SMARCA4: variants seen among roughly 807,000 people sequenced by gnomAD.
The protein encoded by SMARCA4 is SWI/SNF-related matrix-associated actin-dependent regulator of chromatin subfamily A member 4.
SMARCA4 carries 31 observed loss-of-function variants against 193.9 expected under a neutral mutation model. The ratio of observed to expected loss-of-function variants is 0.16; its 90% CI spans 0.12 to 0.22. The LOEUF is 0.22. Ranked by LOEUF, SMARCA4 falls within the 10% of genes least tolerant of loss-of-function variation. The pLI is 1.00. For missense variants in SMARCA4, 1,148 were observed against 2,296.0 expected (o/e 0.50, Z 10.22); for synonymous variants, 942 against 933.1 (o/e 1.01, Z -0.17).
At chr19:11,050,870 G>A (rs1174225959) in intron 30 of SMARCA4, among the ~76,000 whole-genome samples, 1 of 152,236 alleles carries the variant, frequency 6.6e-6, no homozygotes, top group African/African-American at 2.4e-5. Context: ...CCTCAGGGCT[G>A]TCTGGCCCTT....
At chr19:11,061,724 T>C (rs1009156039) in intron 34 of SMARCA4, 60 bp from the exon 35 acceptor site, 19 of 1,547,100 alleles carry the variant, frequency 1.2e-5, no homozygotes, top group Non-Finnish European at 1.7e-5. Context: ...GGCAGGTCCC[T>C]GGCAAGGTGC....
chr19:10,991,814 C>T (rs932594094), intron 8 of SMARCA4, among the ~76,000 whole-genome samples: 9 of 151,880 alleles, frequency 5.9e-5, no homozygotes, highest in Non-Finnish European at 1.0e-4. Context: ...AGGAAGGGAG[C>T]GCAGGGAGGT....
intron 18 of SMARCA4, 103 bp from the exon 19 acceptor site, chr19:11,021,622 C>T (rs2146409168): frequency 1.4e-6 from 2 of 1,439,746 alleles, no homozygotes; most frequent in Non-Finnish European, 9.5e-7. Context: ...TGCGCTCTTC[C>T]ACCTGGAGCC....
chr19:10,987,091 A>G lies in SMARCA4; in HGVS notation c.859+88A>G. ...TTGAGATGAGCTTTGTCAGGGAGAA[A>G]GGGCCGAGGGTGGTCAGGCTGAACT... On this transcript the variant is annotated intron_variant, in intron 5 of 34. Transcript: ENST00000344626. The surrounding 1 kb of genome is among the most constrained non-coding windows in gnomAD (Gnocchi z 5.3). 1 of 966,790 alleles carries G rather than the reference A, an allele frequency of 1.0e-6. No individual in the cohort carries two copies. The highest frequency in any genetic ancestry group is 1.6e-6 in the Non-Finnish European group (1 of 619,376). The allele number at this position is 966,790 out of a possible 1,614,324, so 59.9% of individuals were successfully genotyped here. A position where few individuals can be genotyped will look rare whatever the true frequency, so the allele number is the denominator to read the frequency against.
At position 11,060,113 on chromosome 19, in the gene SMARCA4, C is replaced by T. The variant is rs1370639203; in HGVS notation, c.4837C>T (p.Arg1613Trp). 9 of 1,551,010 alleles carry T rather than the reference C, an allele frequency of 5.8e-6. No homozygotes were observed. Among genetic ancestry groups the T allele is most frequent in the East Asian group, 2.4e-5 (1 of 40,912 alleles). The change falls in exon 34 of 35, where the codon CGG (arginine) becomes TGG (tryptophan). Residue 1613 changes from arginine (R) to tryptophan (W), a missense_variant. Coordinates refer to ENST00000344626, the MANE Select transcript of SMARCA4 (RefSeq NM_003072.5). The part of the protein sequence containing the change: ...EKAQDRLKGG[R>W]RRPSRGSRAK... ...GGCACAGGACCGGCTGAAGGGCGGC[C>T]GGCGGCGGCCGAGCCGAGGGTCCCG...
intron 19 of SMARCA4, 64 bp from the exon 20 acceptor site, chr19:11,023,454 A>C: frequency 9.6e-7 from 1 of 1,041,472 alleles, no homozygotes; most frequent in Non-Finnish European, 1.5e-6. Flanking sequence ...CGCACCTTCT[A>C]GTGAGACCTC....
At chr19:11,001,166 G>A (rs948108000) in intron 11 of SMARCA4, among the ~76,000 whole-genome samples, 1 of 152,072 alleles carries the variant, frequency 6.6e-6, no homozygotes, top group East Asian at 1.9e-4. Context: ...GTGATCCTCC[G>A]AGGACCTTTT....
intron 30 of SMARCA4, among the ~76,000 whole-genome samples, chr19:11,050,294 C>T (rs955112931): frequency 3.3e-5 from 5 of 152,256 alleles, no homozygotes; most frequent in African/African-American, 1.2e-4. Context: ...CAGGCGGGCC[C>T]TCTGGGTTCC....
Position 11,058,896 on chromosome 19 carries a change from G to T in SMARCA4, c.4635+7G>T, listed in dbSNP as rs1060504467. 1 of 1,610,902 alleles carries T rather than the reference G, an allele frequency of 6.2e-7. No homozygotes were observed. Among genetic ancestry groups the T allele is most frequent in the South Asian group, 1.1e-5 (1 of 91,048 alleles). On this transcript the variant is annotated splice_region_variant and intron_variant, in intron 32 of 34. Coordinates refer to ENST00000344626, the MANE Select transcript of SMARCA4 (RefSeq NM_003072.5). The surrounding 1 kb of genome is among the most constrained non-coding windows in gnomAD (Gnocchi z 5.8). ...CAACCTGGAGGGCTCCCTGGTGAGG[G>T]CACCGCTGGGGGTTGGGGATGGGCC...
intron 1 of SMARCA4, among the ~76,000 whole-genome samples, chr19:10,962,731 T>G (rs1170316806): frequency 2.0e-5 from 3 of 152,058 alleles, no homozygotes; most frequent in African/African-American, 7.2e-5. Context: ...TTAGTAGATA[T>G]GGGGTTTTAC....
intron 1 of SMARCA4, among the ~76,000 whole-genome samples, chr19:10,966,271 A>G (rs947196969): frequency 2.0e-5 from 3 of 151,958 alleles, no homozygotes; most frequent in Non-Finnish European, 4.4e-5. Flanking sequence ...GACGTGAGCT[A>G]CCGCGCCCGG....
chr19:11,044,968 A>C (rs1283882400), intron 30 of SMARCA4, among the ~76,000 whole-genome samples: 2 of 152,350 alleles, frequency 1.3e-5, no homozygotes, highest in South Asian at 4.1e-4. Flanking sequence ...GAAAACAGAC[A>C]TAGTACTGCT....
chr19:11,027,221 C>T (rs1600329397), intron 23 of SMARCA4, among the ~76,000 whole-genome samples: 2 of 152,280 alleles, frequency 1.3e-5, no homozygotes, highest in South Asian at 4.1e-4. Context: ...AGTTGTGGAA[C>T]AGGGTCCTGT....
In SMARCA4 at chr19:11,058,473, T is replaced by A; in HGVS notation, c.4533+110T>A. On this transcript the variant is annotated intron_variant, in intron 31 of 34. Coordinates refer to ENST00000344626, the MANE Select transcript of SMARCA4 (RefSeq NM_003072.5). This position sits in a 1 kb window ranked among gnomAD's most constrained non-coding sequence, Gnocchi z 5.8. Reference sequence around the variant, plus strand: ...GTGGGCAGAATGACCAGAAACCACCTAGGCGGTGCCTTGGGCTACCTGGTT... The same window carrying A: ...GTGGGCAGAATGACCAGAAACCACCAAGGCGGTGCCTTGGGCTACCTGGTT... 1 of 821,172 alleles carries A rather than the reference T, an allele frequency of 1.2e-6. No homozygotes were observed. Among genetic ancestry groups the A allele is most frequent in the Non-Finnish European group, 2.1e-6 (1 of 487,456 alleles). 50.9% of individuals were successfully genotyped at this position (821,172 alleles called of 1,614,324 possible). A position where few individuals can be genotyped will look rare whatever the true frequency, so the allele number is the denominator to read the frequency against.
intron 29 of SMARCA4, among the ~76,000 whole-genome samples, chr19:11,039,059 TA>T (rs370936227): frequency 1.2e-4 from 18 of 146,024 alleles, no homozygotes; most frequent in Non-Finnish European, 1.5e-4. Context: ...TTGTCTCTAT[TA>T]AAAAAAAAAA....
rs2084921866 is a variant in SMARCA4 at position 10,974,290 on chromosome 19, T to C, written c.-31-9831T>C. 2.0e-5 allele frequency among the ~76,000 whole-genome samples: 3 copies of C among 152,088 alleles called. No individual in the cohort carries two copies. The South Asian group carries it at 6.2e-4, about 32-fold the overall frequency. On this transcript the variant is annotated intron_variant, in intron 1 of 34. Coordinates refer to ENST00000344626, the MANE Select transcript of SMARCA4 (RefSeq NM_003072.5). ...TCCTCAAGCAGTCTCCTTCCACATT[T>C]GAACGTCAACAGATGTTTCTATTTT...
rs1052611919 is a variant in SMARCA4 at position 11,019,364 on chromosome 19, C to T, written c.2506-227C>T. 2.3e-5 allele frequency: 14 copies of T among 607,502 alleles called. No homozygotes were observed. In the Admixed American group the frequency reaches 3.9e-4, roughly 17 times the overall value. The allele number at this position is 607,502 out of a possible 1,614,324, so 37.6% of individuals were successfully genotyped here. On this transcript the variant is annotated intron_variant, in intron 17 of 34. Coordinates refer to ENST00000344626, the MANE Select transcript of SMARCA4 (RefSeq NM_003072.5). The surrounding 1 kb of genome is among the most constrained non-coding windows in gnomAD (Gnocchi z 6.1). ...GCAGGCTGCGTGGTTCCCTCAGGCC[C>T]CGGCCGCCGCTGGCCTGCACTGCTT...
At chr19:11,061,204 A>AAAAAAAAAAAAATAT (rs1555797070) in intron 34 of SMARCA4, among the ~76,000 whole-genome samples, 1 of 45,226 alleles carries the variant, frequency 2.2e-5, no homozygotes, top group African/African-American at 1.1e-4. Flanking sequence ...AAAAAAAAAA[A>AAAAAAAAAAAAATAT]ATATATATAT....
intron 30 of SMARCA4, among the ~76,000 whole-genome samples, chr19:11,054,135 G>C (rs1275894981): frequency 1.3e-5 from 2 of 152,220 alleles, no homozygotes. Flanking sequence ...CGCTGGCTCA[G>C]TATCTCCCAA....
Sources: gnomAD v4.1 joint callset for allele counts (sites outside exome capture counted in the v4.1 genomes callset) on GRCh38, gnomAD v4.1.1 for gene constraint, Gnocchi (gnomAD v3.1) non-coding constraint, MANE v1.5 for transcripts, NCBI Gene and HGNC (gene_info 2026-07-23, HGNC 2026-07-21) for gene names.